The following AGBL4 variants were observed in gnomAD, a reference collection of about 807,000 sequenced individuals.
The protein encoded by AGBL4 is cytosolic carboxypeptidase 6.
A neutral mutation model predicts 66.4 loss-of-function variants in AGBL4; 58 were observed. The observed-to-expected ratio is 0.87, with a 90% CI of 0.71 to 1.09. AGBL4 has a LOEUF of 1.09. AGBL4 is among the 50% of genes least tolerant of loss of function. AGBL4 has a pLI of 0.00. For synonymous variants in AGBL4, 234 were observed against 222.9 expected (o/e 1.05, Z -0.44); for missense variants, 579 against 631.0 (o/e 0.92, Z 0.88).
At chr1:49,402,159 T>C (rs1338580342) in intron 3 of AGBL4, among the ~76,000 whole-genome samples, 2 of 152,184 alleles carry the variant, frequency 1.3e-5, no homozygotes, top group African/African-American at 2.4e-5. Flanking sequence ...TGTTGTTTTC[T>C]TTATTTCAAA....
intron 2 of AGBL4, among the ~76,000 whole-genome samples, chr1:49,742,612 G>A (rs1199745434): frequency 2.6e-5 from 4 of 151,082 alleles, no homozygotes; most frequent in Admixed American, 1.3e-4. Flanking sequence ...TAAGCCAAAA[G>A]AACAAAGCTG....
chr1:49,292,218 C>A (rs932843788), intron 3 of AGBL4, among the ~76,000 whole-genome samples: 1 of 152,226 alleles, frequency 6.6e-6, no homozygotes, highest in Non-Finnish European at 1.5e-5. Context: ...TCTTTGGGCA[C>A]CAACAAGCAT....
Position 49,089,186 on chromosome 1 carries a change from AG to A in AGBL4, c.378-43387del, listed in dbSNP as rs1369878102. Among the ~76,000 whole-genome samples, 5 of 151,498 alleles carry A rather than the reference AG, an allele frequency of 3.3e-5. No homozygotes were observed. The East Asian group carries it at 9.8e-4, about 30-fold the overall frequency. ...AAGTTAACCACCTAATATCACCTCT[AG>A]AGGAACTAAAGAAACAAGAGAAAAC... On this transcript the variant is annotated intron_variant, in intron 4 of 13. Transcript: ENST00000371839.
At chr1:48,970,134 G>C (rs1224224271) in intron 5 of AGBL4, among the ~76,000 whole-genome samples, 2 of 152,154 alleles carry the variant, frequency 1.3e-5, no homozygotes, top group Admixed American at 6.5e-5. Flanking sequence ...GTGGTGAACT[G>C]TCTCTAAATA....
chr1:48,953,607 A>G (rs1298916009), intron 5 of AGBL4, among the ~76,000 whole-genome samples: 2 of 152,224 alleles, frequency 1.3e-5, no homozygotes, highest in Non-Finnish European at 2.9e-5. Flanking sequence ...GAAGGTTCCT[A>G]GCACAGTGCC....
At chr1:48,592,350 T>C (rs1019430593) in intron 9 of AGBL4, among the ~76,000 whole-genome samples, 1 of 152,210 alleles carries the variant, frequency 6.6e-6, no homozygotes, top group African/African-American at 2.4e-5. Context: ...TTAAATGAAG[T>C]TAAAACCAAA....
chr1:48,643,768 G>C (rs1395284486), intron 8 of AGBL4, among the ~76,000 whole-genome samples: 1 of 123,802 alleles, frequency 8.1e-6, no homozygotes, highest in Non-Finnish European at 1.9e-5. Flanking sequence ...TGACTGGTCA[G>C]CTCCGGAAAA....
At chr1:49,749,930 A>G (rs1306924990) in intron 2 of AGBL4, among the ~76,000 whole-genome samples, 7 of 152,200 alleles carry the variant, frequency 4.6e-5, no homozygotes. Context: ...GTAGTAATCA[A>G]GACAGTTTGG....
intron 2 of AGBL4, among the ~76,000 whole-genome samples, chr1:49,844,075 G>C (rs1266504250): frequency 6.6e-6 from 1 of 152,200 alleles, no homozygotes; most frequent in East Asian, 1.9e-4. Context: ...AAATAAGGCA[G>C]ATCAAAGTAC....
intron 3 of AGBL4, among the ~76,000 whole-genome samples, chr1:49,495,787 G>A (rs182257240): frequency 6.6e-6 from 1 of 152,098 alleles, no homozygotes; most frequent in East Asian, 1.9e-4. Context: ...GATCAAAAAT[G>A]TTCACATTTT....
At chr1:49,283,440 G>A (rs1169938359) in intron 3 of AGBL4, among the ~76,000 whole-genome samples, 4 of 151,876 alleles carry the variant, frequency 2.6e-5, no homozygotes, top group Non-Finnish European at 5.9e-5. Flanking sequence ...ACAGAAAAAC[G>A]AAACTCTAAA....
At chr1:49,220,538 T>A (rs1265339227) in intron 4 of AGBL4, among the ~76,000 whole-genome samples, 6 of 152,156 alleles carry the variant, frequency 3.9e-5, no homozygotes, top group African/African-American at 1.4e-4. Flanking sequence ...ATATAATATA[T>A]GCTTAATAAA....
chr1:49,818,057 T>G (rs1298785945), intron 2 of AGBL4, among the ~76,000 whole-genome samples: 4 of 152,210 alleles, frequency 2.6e-5, no homozygotes, highest in Non-Finnish European at 4.4e-5. Context: ...GTAACTTGTT[T>G]TAAGTAAGGT....
At chr1:48,887,161 G>C (rs1053350060) in intron 5 of AGBL4, among the ~76,000 whole-genome samples, 1 of 152,180 alleles carries the variant, frequency 6.6e-6, no homozygotes, top group African/African-American at 2.4e-5. Flanking sequence ...CAGAGATAGG[G>C]AATCACGTGT....
chr1:49,845,744 C>T (rs1297172389), intron 2 of AGBL4: 12 of 1,588,964 alleles, frequency 7.6e-6, no homozygotes, highest in African/African-American at 1.3e-5. Context: ...GGAGAGAAGC[C>T]CTATGGATGC....
chr1:49,849,748 T>G (rs1422555231), intron 2 of AGBL4, among the ~76,000 whole-genome samples: 1 of 152,140 alleles, frequency 6.6e-6, no homozygotes, highest in Non-Finnish European at 1.5e-5. Context: ...AACAATTTCT[T>G]TTACTGAGTT....
At chr1:49,674,145 G>A (rs976035038) in intron 3 of AGBL4, among the ~76,000 whole-genome samples, 9 of 152,056 alleles carry the variant, frequency 5.9e-5, no homozygotes, top group South Asian at 2.1e-4. Context: ...AAGCACCCAC[G>A]AAAATTGAGA....
intron 4 of AGBL4, among the ~76,000 whole-genome samples, chr1:49,235,587 T>C (rs1650664057): frequency 6.6e-6 from 1 of 152,194 alleles, no homozygotes. Flanking sequence ...TTTCCCCAGA[T>C]GAAAGACTAT....
chr1:49,500,794 T>G (rs1351572130), intron 3 of AGBL4, among the ~76,000 whole-genome samples: 1 of 152,098 alleles, frequency 6.6e-6, no homozygotes, highest in Non-Finnish European at 1.5e-5. Flanking sequence ...TGAGGTATAG[T>G]TTGAAGTAGA....
Sources: allele counts gnomAD v4.1 joint callset (sites outside exome capture counted in the v4.1 genomes callset), GRCh38; gene constraint gnomAD v4.1.1; transcripts MANE v1.5; gene names NCBI Gene and HGNC (gene_info 2026-07-23, HGNC 2026-07-21).